KLF12: variants seen among roughly 807,000 people sequenced by gnomAD.
The protein encoded by KLF12 is Krueppel-like factor 12.
Under a neutral mutation model 37.8 loss-of-function variants are expected in KLF12, and 9 were observed. The ratio of observed to expected loss-of-function variants is 0.24; its 90% confidence interval spans 0.14 to 0.42. The LOEUF is 0.42. KLF12 is among the 10% of genes least tolerant of loss of function. The probability of loss-of-function intolerance (pLI) is 1.00; values close to 1 mark genes in which losing one functional copy is unlikely to be tolerated. For synonymous variants in KLF12, 208 were observed against 202.1 expected, an observed-to-expected ratio of 1.03 and a Z score of -0.25; for missense variants, 411 against 516.0, an observed-to-expected ratio of 0.80 and a Z score of 1.97.
intron 1 of KLF12, among the ~76,000 whole-genome samples, chr13:74,071,672 G>A (rs1006168441): frequency 1.4e-4 from 22 of 152,114 alleles, no homozygotes; most frequent in East Asian, 3.9e-4. Flanking sequence ...CAGCCTGGGC[G>A]ACAGAGCGAG....
chr13:73,976,948 C>T (rs1490842671), intron 2 of KLF12, among the ~76,000 whole-genome samples: 1 of 151,806 alleles, frequency 6.6e-6, no homozygotes, highest in African/African-American at 2.4e-5. Context: ...GGGAGACTGG[C>T]CAAGCAAAAA....
chr13:73,758,589 C>T lies in KLF12; in HGVS notation c.869+6349G>A, dbSNP rs142843910. Among the ~76,000 whole-genome samples the T allele has an allele frequency of 1.1e-4, 17 of 152,156 alleles. No homozygotes were observed. In the East Asian group the frequency reaches 3.3e-3, roughly 29 times the overall value. On this transcript the variant is annotated intron_variant, in intron 6 of 7. Coordinates refer to ENST00000377669, the MANE Select transcript of KLF12 (RefSeq NM_007249.5). Reference sequence around the variant, plus strand: ...TCTTATGGGTTCACATGTTAGGTTTCCAGTACAATATTAATATGGTTCTGA... The same window carrying T: ...TCTTATGGGTTCACATGTTAGGTTTTCAGTACAATATTAATATGGTTCTGA...
intron 2 of KLF12, among the ~76,000 whole-genome samples, chr13:73,959,124 C>CAAAAAAAAAAAAAAAA (rs66521656): frequency 0.23 from 18,734 of 81,944 alleles, 3,414 homozygotes; most frequent in Middle Eastern, 0.25. Context: ...ACCCCCCTTC[C>CAAAAAAAAAAAAAAAA]AAAAAAAAAC....
chr13:74,018,569 T>C (rs1892761470), intron 1 of KLF12, among the ~76,000 whole-genome samples: 1 of 152,174 alleles, frequency 6.6e-6, no homozygotes, highest in African/African-American at 2.4e-5. Context: ...CAATTTTATA[T>C]CAGTTAAAAA....
chr13:73,706,614 G>A (rs951436089), intron 7 of KLF12, among the ~76,000 whole-genome samples: 3 of 152,190 alleles, frequency 2.0e-5, no homozygotes, highest in Non-Finnish European at 4.4e-5. Flanking sequence ...CTTGTTGGAG[G>A]TGGCACTGAA....
At chr13:74,244,666 GT>G in the KLF12 span, among the ~76,000 whole-genome samples, 1 of 152,206 alleles carries the variant, frequency 6.6e-6, no homozygotes, top group Non-Finnish European at 1.5e-5. Context: ...ATAGCCTGAA[GT>G]GGGCCATCAC....
chr13:74,082,512 A>G (rs1874976377), intron 1 of KLF12, among the ~76,000 whole-genome samples: 1 of 152,084 alleles, frequency 6.6e-6, no homozygotes, highest in African/African-American at 2.4e-5. Context: ...GGTTCTCCCC[A>G]ACCCTTTTTT....
the KLF12 span, among the ~76,000 whole-genome samples, chr13:74,189,510 T>G: frequency 3.1e-3 from 477 of 152,288 alleles, 3 homozygotes; most frequent in African/African-American, 0.011. Flanking sequence ...AGTCTTCCAT[T>G]TCTAGGCCTT....
chr13:73,831,954 T>C (rs888650663), intron 4 of KLF12, among the ~76,000 whole-genome samples: 5 of 152,246 alleles, frequency 3.3e-5, no homozygotes, highest in Non-Finnish European at 7.3e-5. Context: ...TCCTATCACT[T>C]ATTTTTCTTT....
At chr13:73,961,378 C>T (rs756018530) in intron 2 of KLF12, among the ~76,000 whole-genome samples, 2 of 151,916 alleles carry the variant, frequency 1.3e-5, no homozygotes, top group East Asian at 1.9e-4. Flanking sequence ...CTGAACAAAC[C>T]GAAAAAATCA....
the KLF12 span, among the ~76,000 whole-genome samples, chr13:74,285,004 G>A: frequency 1.3e-5 from 2 of 152,122 alleles, no homozygotes; most frequent in African/African-American, 4.8e-5. Context: ...CCTTGAGATT[G>A]GAGGTTTATG....
chr13:74,160,924 G>A, the KLF12 span, among the ~76,000 whole-genome samples: 2 of 152,272 alleles, frequency 1.3e-5, no homozygotes, highest in East Asian at 3.9e-4. Flanking sequence ...TCTTCAGCAA[G>A]GTAGCCATCA....
At chr13:74,052,214 A>T (rs541254912) in intron 1 of KLF12, among the ~76,000 whole-genome samples, 1 of 152,278 alleles carries the variant, frequency 6.6e-6, no homozygotes, top group South Asian at 2.1e-4. Flanking sequence ...CCAGGGTTTT[A>T]AAGCTCAGAA....
At chr13:73,768,565 C>G (rs1042003584) in intron 5 of KLF12, among the ~76,000 whole-genome samples, 1 of 152,160 alleles carries the variant, frequency 6.6e-6, no homozygotes, top group Admixed American at 6.5e-5. Context: ...TTTTTTTCTG[C>G]TCTTTATTAG....
intron 7 of KLF12, among the ~76,000 whole-genome samples, chr13:73,708,298 C>T (rs1278828757): frequency 1.3e-4 from 20 of 152,122 alleles, no homozygotes; most frequent in African/African-American, 2.4e-5. Context: ...CTGGGCCTCA[C>T]AAATTTATCA....
intron 3 of KLF12, among the ~76,000 whole-genome samples, chr13:73,850,553 T>C (rs1329496919): frequency 1.3e-5 from 2 of 152,230 alleles, no homozygotes; most frequent in Non-Finnish European, 2.9e-5. Flanking sequence ...AAGAAAAATA[T>C]GTCCGGATAC....
At chr13:73,741,762 A>T (rs9543442) in intron 6 of KLF12, among the ~76,000 whole-genome samples, 115,644 of 152,184 alleles carry the variant, frequency 0.76, 45,450 homozygotes, top group South Asian at 0.87. Flanking sequence ...CTTATCTTTT[A>T]AAATATTCTA....
intron 3 of KLF12, among the ~76,000 whole-genome samples, chr13:73,860,580 A>G (rs1256605096): frequency 2.0e-5 from 3 of 152,102 alleles, no homozygotes; most frequent in Non-Finnish European, 2.9e-5. Flanking sequence ...ACTAAAAATA[A>G]AAAATAAAAA....
At chr13:74,109,282 T>A (rs1395385602) in intron 1 of KLF12, among the ~76,000 whole-genome samples, 3 of 152,020 alleles carry the variant, frequency 2.0e-5, no homozygotes, top group African/African-American at 7.2e-5. Context: ...AGCTAGAAAA[T>A]TATTGAAGGT....
Sources: allele counts gnomAD v4.1 joint callset (sites outside exome capture counted in the v4.1 genomes callset), GRCh38; gene constraint gnomAD v4.1.1; transcripts MANE v1.5; gene names NCBI Gene and HGNC (gene_info 2026-07-23, HGNC 2026-07-21).